PEDS1: variants seen among roughly 807,000 people sequenced by gnomAD.
PEDS1 encodes the protein CarF homolog.
A neutral mutation model predicts 35.2 loss-of-function variants in PEDS1; 14 were observed. That is an observed-to-expected ratio of 0.40 (90% CI 0.26 to 0.62). The LOEUF (loss-of-function observed/expected upper bound fraction) is 0.62, where lower values mean the gene tolerates loss of function less well. Ranked by LOEUF, PEDS1 falls within the 20% of genes least tolerant of loss-of-function variation. The pLI is 0.44. For missense variants in PEDS1, 260 were observed against 367.8 expected, an observed-to-expected ratio of 0.71 and a Z score of 2.40; for synonymous variants, 152 against 152.0, an observed-to-expected ratio of 1.00 and a Z score of 0.00.
intron 1 of PEDS1, among the ~76,000 whole-genome samples, chr20:50,145,134 G>T (rs1447646122): frequency 6.6e-6 from 1 of 152,054 alleles, no homozygotes; most frequent in Non-Finnish European, 1.5e-5. Context: ...TCTGGGAGGT[G>T]GAGATTGCAG....
At position 50,140,906 on chromosome 20, in the gene PEDS1, A is replaced by C. The variant is rs375877530; in HGVS notation, c.241+2596T>G. On this transcript the variant is annotated intron_variant, in intron 2 of 5. Coordinates refer to ENST00000371652, the MANE Select transcript of PEDS1 (RefSeq NM_199129.4). ...TAGGGACTGTGCAAACACCATTATC[A>C]GGGGATTGTCTGCTCTCATCAGCCC... Among the ~76,000 whole-genome samples the C allele has an allele frequency of 4.4e-4, 67 of 152,318 alleles. 2 individuals carry two copies. Among genetic ancestry groups the C allele is most frequent in the African/African-American group, 1.5e-3 (63 of 41,568 alleles).
At chr20:50,139,165 C>T (rs1250701583) in intron 2 of PEDS1, among the ~76,000 whole-genome samples, 1 of 152,182 alleles carries the variant, frequency 6.6e-6, no homozygotes, top group Non-Finnish European at 1.5e-5. Flanking sequence ...TCTCTGACCT[C>T]ATCCCTGACC....
intron 2 of PEDS1, among the ~76,000 whole-genome samples, chr20:50,137,305 T>A (rs2147286437): frequency 6.6e-6 from 1 of 152,258 alleles, no homozygotes; most frequent in East Asian, 1.9e-4. Flanking sequence ...CCTCCCAAAG[T>A]GCTGGGATGA....
chr20:50,153,262 C>T (rs753258472), intron 1 of PEDS1, among the ~76,000 whole-genome samples: 6 of 151,952 alleles, frequency 3.9e-5, no homozygotes, highest in Non-Finnish European at 8.8e-5. Context: ...GATGGGAGCT[C>T]CGTTTGTCGC....
intron 2 of PEDS1, among the ~76,000 whole-genome samples, chr20:50,141,615 C>T (rs1401504489): frequency 6.6e-6 from 1 of 152,378 alleles, no homozygotes; most frequent in East Asian, 1.9e-4. Flanking sequence ...GGGACTTAAA[C>T]CCAGGTTTGT....
At chr20:50,151,327 CAGAAATGGA>C (rs1310232463) in intron 1 of PEDS1, 1 of 1,295,854 alleles carries the variant, frequency 7.7e-7, no homozygotes, top group Non-Finnish European at 1.0e-6. Flanking sequence ...TTGGGGAAAC[CAGAAATGGA>C]CAAATATGCA....
intron 2 of PEDS1, among the ~76,000 whole-genome samples, chr20:50,138,285 C>T (rs1176541271): frequency 1.3e-5 from 2 of 152,224 alleles, no homozygotes; most frequent in East Asian, 1.9e-4. Context: ...CAAGGTCACA[C>T]GGTGGCAGGG....
intron 5 of PEDS1, among the ~76,000 whole-genome samples, chr20:50,126,021 G>A (rs2081099640): frequency 6.6e-6 from 1 of 151,928 alleles, no homozygotes; most frequent in African/African-American, 2.4e-5. Flanking sequence ...CACCATGACA[G>A]GCCACCCTCT....
chr20:50,147,322 ATAAG>A, intron 1 of PEDS1, among the ~76,000 whole-genome samples: 1 of 152,320 alleles, frequency 6.6e-6, no homozygotes, highest in African/African-American at 2.4e-5. Flanking sequence ...GGCCTAAACA[ATAAG>A]TAATAGCTGC....
chr20:50,136,821 G>A (rs2081240585), intron 2 of PEDS1, among the ~76,000 whole-genome samples: 1 of 151,194 alleles, frequency 6.6e-6, no homozygotes, highest in Non-Finnish European at 1.5e-5. Flanking sequence ...AGGATTGCTT[G>A]AGTCCTGGAG....
chr20:50,152,219 T>A (rs569595879), intron 1 of PEDS1, among the ~76,000 whole-genome samples: 2 of 151,948 alleles, frequency 1.3e-5, no homozygotes, highest in South Asian at 2.1e-4. Context: ...TAGGACCCAG[T>A]GAGGAAATGC....
intron 2 of PEDS1, among the ~76,000 whole-genome samples, chr20:50,139,118 C>T (rs2081265970): frequency 6.6e-6 from 1 of 152,198 alleles, no homozygotes; most frequent in African/African-American, 2.4e-5. Flanking sequence ...GACTCCACTT[C>T]CAGCCACAGG....
At chr20:50,125,599 C>T (rs75059590) in intron 5 of PEDS1, among the ~76,000 whole-genome samples, 2,513 of 150,384 alleles carry the variant, frequency 0.017, 31 homozygotes, top group Non-Finnish European at 0.027. Flanking sequence ...TATCATTTAT[C>T]TATCTATTTA....
At chr20:50,138,033 A>T (rs2081254482) in intron 2 of PEDS1, among the ~76,000 whole-genome samples, 2 of 152,224 alleles carry the variant, frequency 1.3e-5, no homozygotes, top group Admixed American at 1.3e-4. Flanking sequence ...TAATGTATCA[A>T]CACTGGCACA....
rs374299929 is a variant in PEDS1 at position 50,128,210 on chromosome 20, G to T, written c.479-23C>A. The T allele has an allele frequency of 5.6e-6, 9 of 1,612,544 alleles. No individual in the cohort carries two copies. Among genetic ancestry groups the T allele is most frequent in the Non-Finnish European group, 7.6e-6 (9 of 1,179,368 alleles). ...CTTCTGCAGGTTGGGGAGAGGGGGG[G>T]CCGGCACAGCTGTCACTCGGGACGG... On this transcript the variant is annotated intron_variant, in intron 4 of 5. Transcript: ENST00000371652. The surrounding 1 kb of genome is among the most constrained non-coding windows in gnomAD (Gnocchi z 5.2).
chr20:50,135,658 CAAAAAAA>C lies in PEDS1; in HGVS notation c.242-4718_242-4712del, dbSNP rs34069451. On this transcript the variant is annotated intron_variant, in intron 2 of 5. Transcript: ENST00000371652. ...GGGCAACAAGAGCAAAACTCCATCT[CAAAAAAA>C]AAAAAAAAAAAAAAAAAGCATTTCC... Among the ~76,000 whole-genome samples, 3 of 37,850 alleles carry C rather than the reference CAAAAAAA, an allele frequency of 7.9e-5. No homozygotes were observed. In the South Asian group the frequency reaches 3.9e-3, roughly 49 times the overall value. The allele number at this position is 37,850 out of a possible 152,430, so 24.8% of individuals were successfully genotyped here. A position where few individuals can be genotyped will look rare whatever the true frequency, so the allele number is the denominator to read the frequency against.
At chr20:50,138,536 C>A (rs1262953605) in intron 2 of PEDS1, among the ~76,000 whole-genome samples, 7 of 152,244 alleles carry the variant, frequency 4.6e-5, no homozygotes, top group African/African-American at 1.7e-4. Flanking sequence ...CTCAGTCTTG[C>A]CATCTGTCCA....
At chr20:50,135,391 G>A (rs927921878) in intron 2 of PEDS1, among the ~76,000 whole-genome samples, 2 of 151,926 alleles carry the variant, frequency 1.3e-5, no homozygotes, top group Non-Finnish European at 2.9e-5. Context: ...GGGCACGGTG[G>A]CTCACATCTG....
intron 1 of PEDS1, 63 bp from the exon 2 acceptor site, chr20:50,143,684 A>G (rs1402373082): frequency 3.8e-6 from 6 of 1,567,974 alleles, no homozygotes; most frequent in South Asian, 2.4e-5. Context: ...GTGTGGCCCC[A>G]TGGGAACTTT....
Sources: gnomAD v4.1 joint callset for allele counts (sites outside exome capture counted in the v4.1 genomes callset) on GRCh38, gnomAD v4.1.1 for gene constraint, Gnocchi (gnomAD v3.1) non-coding constraint, MANE v1.5 for transcripts, NCBI Gene and HGNC (gene_info 2026-07-23, HGNC 2026-07-21) for gene names.